Variants in SYT14 observed in about 807,000 individuals in gnomAD.
SYT14 encodes synaptotagmin 14.
Under a neutral mutation model 74.2 loss-of-function variants are expected in SYT14, and 32 were observed. That is an observed-to-expected ratio of 0.43 (90% CI 0.33 to 0.58). The LOEUF is 0.58. Ranked by LOEUF, SYT14 falls within the 20% of genes least tolerant of loss-of-function variation. SYT14 has a pLI of 0.05. For synonymous variants in SYT14, 298 were observed against 337.7 expected (o/e 0.88, Z 1.29); for missense variants, 791 against 981.8 (o/e 0.81, Z 2.60).
intron 5 of SYT14, among the ~76,000 whole-genome samples, chr1:210,060,085 T>A (rs1449911861): frequency 2.0e-5 from 3 of 152,134 alleles, no homozygotes; most frequent in Non-Finnish European, 4.4e-5. Flanking sequence ...ACTTCATTTG[T>A]TTTTTCTTAA....
rs895438481 is a variant in SYT14, at chr1:210,078,721, C to T, written c.1313-15601C>T. ...CATGTTAGAAAAAATTTTCATTGAC[C>T]GTCTATGAATAATATGATATACGTA... On this transcript the variant is annotated intron_variant, in intron 5 of 9. Transcript: ENST00000637265. Among the ~76,000 whole-genome samples the T allele has an allele frequency of 2.6e-5, 4 of 151,416 alleles. No individual in the cohort carries two copies. The East Asian group carries it at 5.8e-4, about 22-fold the overall frequency.
intron 7 of SYT14, among the ~76,000 whole-genome samples, chr1:210,130,115 T>G (rs2082643797): frequency 6.6e-6 from 1 of 152,226 alleles, no homozygotes; most frequent in African/African-American, 2.4e-5. Context: ...AAAACTATTA[T>G]AAAACTGTTT....
exon 10 of SYT14, chr1:210,171,356 A>G (rs1358645032): frequency 6.7e-6 from 1 of 149,872 alleles, no homozygotes; most frequent in African/African-American, 2.5e-5. Context: ...TAAATTATCC[A>G]GAGCCTTTTT....
Position 210,067,601 on chromosome 1 carries a change from CA to C in SYT14, c.1313-26720del, listed in dbSNP as rs201575927. Among the ~76,000 whole-genome samples, 1,197 of 152,002 alleles carry C rather than the reference CA, an allele frequency of 7.9e-3. 21 individuals are homozygous for C. The highest frequency in any genetic ancestry group is 0.028 in the African/African-American group (1,143 of 41,498). ...GATTTGAAGACCTCTCTCTATATAT[CA>C]CCATATTCTAGAATTTGGTATTTAT... is the stretch of plus-strand genomic sequence containing the variant. On this transcript the variant is annotated intron_variant, in intron 5 of 9. Transcript: ENST00000637265.
At chr1:210,104,778 G>A (rs757925743) in intron 7 of SYT14, among the ~76,000 whole-genome samples, 1 of 152,024 alleles carries the variant, frequency 6.6e-6, no homozygotes, top group Non-Finnish European at 1.5e-5. Context: ...AACCCTTCCT[G>A]TACAAACAGT....
intron 7 of SYT14, among the ~76,000 whole-genome samples, chr1:210,150,040 C>T (rs1450544075): frequency 2.0e-5 from 3 of 152,134 alleles, no homozygotes; most frequent in African/African-American, 4.8e-5. Context: ...TATGCTGAAG[C>T]GGACTTTATT....
intron 2 of SYT14, among the ~76,000 whole-genome samples, chr1:209,988,401 A>G (rs2079607922): frequency 6.6e-6 from 1 of 152,160 alleles, no homozygotes; most frequent in Non-Finnish European, 1.5e-5. Flanking sequence ...TCCTAATTTT[A>G]TCAATTTTCT....
intron 5 of SYT14, among the ~76,000 whole-genome samples, chr1:210,067,338 G>A (rs755947574): frequency 1.1e-4 from 17 of 152,040 alleles, no homozygotes; most frequent in East Asian, 7.7e-4. Flanking sequence ...CAAAGAATTC[G>A]TCTGAGATCC....
At chr1:210,118,547 G>A (rs894778047) in intron 7 of SYT14, among the ~76,000 whole-genome samples, 6 of 151,890 alleles carry the variant, frequency 4.0e-5, no homozygotes. Context: ...GCGTGGTCTC[G>A]GCTCACTGCA....
chr1:209,998,963 GCTT>G (rs1487423840), intron 2 of SYT14, among the ~76,000 whole-genome samples: 3 of 152,170 alleles, frequency 2.0e-5, no homozygotes, highest in African/African-American at 7.2e-5. Context: ...AAGCTAAAAA[GCTT>G]CTGCACAGCA....
chr1:210,061,448 A>G (rs1233310223), intron 5 of SYT14, among the ~76,000 whole-genome samples: 1 of 151,970 alleles, frequency 6.6e-6, no homozygotes, highest in Non-Finnish European at 1.5e-5. Context: ...TGTTCTTAGT[A>G]GCCTCAAAAA....
At chr1:210,041,962 C>A (rs1175010724) in intron 5 of SYT14, among the ~76,000 whole-genome samples, 3 of 151,982 alleles carry the variant, frequency 2.0e-5, no homozygotes, top group Non-Finnish European at 4.4e-5. Flanking sequence ...GTTTTATATC[C>A]CAGCATGACT....
intron 5 of SYT14, among the ~76,000 whole-genome samples, chr1:210,028,091 A>C (rs1045161656): frequency 2.0e-5 from 3 of 152,078 alleles, no homozygotes; most frequent in Non-Finnish European, 4.4e-5. Flanking sequence ...CTGATAACCA[A>C]TATTCTACTT....
intron 2 of SYT14, among the ~76,000 whole-genome samples, chr1:209,990,521 T>TCA (rs1166799605): frequency 2.0e-4 from 1 of 5,042 alleles, no homozygotes; most frequent in Non-Finnish European, 2.2e-3. Context: ...AAGGAATATT[T>TCA]CACATATATA....
chr1:210,055,643 C>T (rs1359589326), intron 5 of SYT14, among the ~76,000 whole-genome samples: 5 of 150,920 alleles, frequency 3.3e-5, no homozygotes, highest in Admixed American at 6.6e-5. Flanking sequence ...ATAATGAAAC[C>T]GCATCTCTAC....
intron 7 of SYT14, among the ~76,000 whole-genome samples, chr1:210,106,455 A>G (rs2082159398): frequency 6.6e-6 from 1 of 152,168 alleles, no homozygotes; most frequent in Non-Finnish European, 1.5e-5. Flanking sequence ...GGTAATTTAT[A>G]AAGGAAAGAG....
At chr1:210,078,544 T>C (rs1023229036) in intron 5 of SYT14, among the ~76,000 whole-genome samples, 2 of 151,996 alleles carry the variant, frequency 1.3e-5, no homozygotes, top group African/African-American at 4.8e-5. Flanking sequence ...ATGACTCTTT[T>C]CCCCCCATAA....
intron 7 of SYT14, among the ~76,000 whole-genome samples, chr1:210,154,830 C>A (rs1480671957): frequency 6.6e-6 from 1 of 152,058 alleles, no homozygotes; most frequent in Non-Finnish European, 1.5e-5. Context: ...TTTAAAAATT[C>A]TGTGTACTTG....
chr1:209,957,456 C>T (rs565649906), intron 2 of SYT14, among the ~76,000 whole-genome samples: 6 of 152,002 alleles, frequency 3.9e-5, no homozygotes, highest in East Asian at 3.9e-4. Context: ...GAGACAGTCT[C>T]GCTCTTGTCA....
Sources: allele counts gnomAD v4.1 joint callset (sites outside exome capture counted in the v4.1 genomes callset), GRCh38; gene constraint gnomAD v4.1.1; transcripts MANE v1.5; gene names NCBI Gene and HGNC (gene_info 2026-07-23, HGNC 2026-07-21).